The following GOSR2 variants were observed in gnomAD, a reference collection of about 807,000 sequenced individuals.
GOSR2 encodes the protein 27 kDa Golgi SNARE protein.
A neutral mutation model predicts 27.9 loss-of-function variants in GOSR2; 20 were observed. The ratio of observed to expected loss-of-function variants is 0.72; its 90% CI spans 0.50 to 1.04. The LOEUF (loss-of-function observed/expected upper bound fraction) is 1.04, where lower values mean the gene tolerates loss of function less well. GOSR2 is among the 50% of genes least tolerant of loss of function. The probability of loss-of-function intolerance (pLI) is 0.00; values close to 1 mark genes in which losing one functional copy is unlikely to be tolerated. For missense variants in GOSR2, 261 were observed against 270.5 expected, an observed-to-expected ratio of 0.97 and a Z score of 0.25; for synonymous variants, 91 against 98.8, an observed-to-expected ratio of 0.92 and a Z score of 0.47.
chr17:46,930,482 C>T (rs1482160576), intron 2 of GOSR2: 2 of 152,868 alleles, frequency 1.3e-5, no homozygotes, highest in African/African-American at 4.8e-5. Context: ...TATCGTATCT[C>T]TTTACCTCTG....
chr17:46,929,391 A>C, intron 1 of GOSR2, 129 bp from the exon 2 acceptor site: 1 of 705,484 alleles, frequency 1.4e-6, no homozygotes, highest in South Asian at 1.5e-5. Context: ...TGCCACATAC[A>C]AATTTTACAG....
chr17:46,951,422 C>T (rs1253469992), intron 6 of GOSR2, among the ~76,000 whole-genome samples: 1 of 152,212 alleles, frequency 6.6e-6, no homozygotes, highest in Admixed American at 6.5e-5. Context: ...CTGGGCTCCT[C>T]GCCCAGCTGC....
At chr17:46,930,848 AT>A (rs776835468) in intron 2 of GOSR2, 2 of 444,742 alleles carry the variant, frequency 4.5e-6, no homozygotes, top group Non-Finnish European at 8.1e-6. Context: ...ATTTCTACAG[AT>A]TTACCTTCAG....
intron 3 of GOSR2, chr17:46,931,596 A>G (rs1323723607): frequency 3.3e-6 from 1 of 306,098 alleles, no homozygotes; most frequent in Non-Finnish European, 6.1e-6. Flanking sequence ...ACCCATAATG[A>G]AATGCTGATC....
intron 1 of GOSR2, among the ~76,000 whole-genome samples, chr17:46,924,736 A>C (rs2086234826): frequency 6.6e-6 from 1 of 152,232 alleles, no homozygotes. Context: ...ATTCTCACAT[A>C]AACGTTATAG....
At chr17:46,933,430 C>G (rs912328640) in intron 4 of GOSR2, 2 of 152,198 alleles carry the variant, frequency 1.3e-5, no homozygotes, top group Non-Finnish European at 2.9e-5. Flanking sequence ...CTGAGTCTTT[C>G]AAACGCCAGC....
At chr17:46,974,727 C>T (rs1405676198) in intron 6 of GOSR2, among the ~76,000 whole-genome samples, 3 of 92,010 alleles carry the variant, frequency 3.3e-5, no homozygotes, top group South Asian at 4.9e-4. Flanking sequence ...GAGCAAGACT[C>T]TCTCTCAAAA....
chr17:46,967,191 C>T (rs376241833), downstream of GOSR2, among the ~76,000 whole-genome samples: 10 of 152,330 alleles, frequency 6.6e-5, no homozygotes, highest in African/African-American at 1.9e-4. Flanking sequence ...GCACTGTGGC[C>T]GTGTTACCTC....
intron 1 of GOSR2, chr17:46,924,320 T>G (rs2086170707): frequency 1.3e-5 from 2 of 153,244 alleles, no homozygotes; most frequent in African/African-American, 4.8e-5. Context: ...CGGAATAATA[T>G]TCCGTTTTAT....
rs951162894 is a variant in GOSR2 at position 46,941,466 on chromosome 17, G to A, written c.*2706G>A. 8 of 977,604 alleles carry A rather than the reference G, an allele frequency of 8.2e-6. No individual in the cohort carries two copies. Among genetic ancestry groups the A allele is most frequent in the Non-Finnish European group, 9.7e-6 (8 of 822,854 alleles). The allele number at this position is 977,604 out of a possible 1,614,324, so 60.6% of individuals were successfully genotyped here. A position where few individuals can be genotyped will look rare whatever the true frequency, so the allele number is the denominator to read the frequency against. On this transcript the variant is annotated 3_prime_UTR_variant, in exon 6 of 6. Transcript: ENST00000640051. ...TCTCAAACACTGCTCCATGGCCAGGGGCTGGGCTGGCTGCTTCAGAAGCAG... is the reference window on the plus strand; with the variant it reads ...TCTCAAACACTGCTCCATGGCCAGGAGCTGGGCTGGCTGCTTCAGAAGCAG...
At chr17:46,960,214 AAGAT>A (rs1279129345) in intron 6 of GOSR2, among the ~76,000 whole-genome samples, 3 of 152,268 alleles carry the variant, frequency 2.0e-5, no homozygotes, top group Non-Finnish European at 4.4e-5. Context: ...TTTACTAAAG[AAGAT>A]ATACAGATGG....
At chr17:46,955,455 A>G (rs2090647178) in intron 6 of GOSR2, 1 of 152,140 alleles carries the variant, frequency 6.6e-6, no homozygotes, top group African/African-American at 2.4e-5. Context: ...AATGTTCATC[A>G]AGGATATTGG....
downstream of GOSR2, among the ~76,000 whole-genome samples, chr17:46,967,610 A>T (rs1298960421): frequency 2.0e-5 from 3 of 152,310 alleles, no homozygotes; most frequent in Admixed American, 6.5e-5. Context: ...TGGGTACAGC[A>T]TGGGGGCTGG....
At chr17:46,923,617 T>A (rs2086031048) in intron 1 of GOSR2, 2 of 1,247,516 alleles carry the variant, frequency 1.6e-6, no homozygotes, top group Non-Finnish European at 2.0e-6. Context: ...GTGTACTGTT[T>A]AATTGGAGAG....
intron 5 of GOSR2, 22 bp from the exon 6 acceptor site, chr17:46,938,577 T>C (rs1236026473): frequency 6.2e-7 from 1 of 1,613,938 alleles, no homozygotes; most frequent in African/African-American, 1.3e-5. Flanking sequence ...TTTGTTTTTT[T>C]TTCTGTTCTC....
downstream of GOSR2, among the ~76,000 whole-genome samples, chr17:46,943,335 TC>T (rs1367395271): frequency 1.2e-4 from 19 of 152,172 alleles, no homozygotes; most frequent in Admixed American, 6.5e-4. Context: ...GGCCAGCTCT[TC>T]GCTGCCCCTG....
downstream of GOSR2, among the ~76,000 whole-genome samples, chr17:46,942,842 C>T (rs1038363972): frequency 6.6e-5 from 10 of 152,172 alleles, no homozygotes; most frequent in African/African-American, 2.2e-4. Context: ...ATGGAAGGCA[C>T]ATGGGAGAGG....
Position 46,962,875 on chromosome 17 carries a change from C to G in GOSR2, c.584-3659C>G, listed in dbSNP as rs144946922. 1.4e-3 allele frequency among the ~76,000 whole-genome samples: 219 copies of G among 152,340 alleles called. 1 individual carries two copies. Among genetic ancestry groups the G allele is most frequent in the Middle Eastern group, 6.8e-3 (2 of 294 alleles). ...CAGTTATAGATAACCAAAAGAATCT[C>G]TTTCAGTGTGTGCTAGACCCTCTGC... On this transcript the variant is annotated intron_variant, in intron 6 of 6. Coordinates refer to the GOSR2 transcript ENST00000573224.
intron 6 of GOSR2, among the ~76,000 whole-genome samples, chr17:46,959,882 G>A (rs1453036391): frequency 1.3e-5 from 2 of 152,220 alleles, no homozygotes; most frequent in Admixed American, 1.3e-4. Flanking sequence ...TGAGCAGGAA[G>A]ACCGATTCAT....
Sources: allele counts gnomAD v4.1 joint callset (sites outside exome capture counted in the v4.1 genomes callset), GRCh38; gene constraint gnomAD v4.1.1; transcripts MANE v1.5; gene names NCBI Gene and HGNC (gene_info 2026-07-23, HGNC 2026-07-21).